SLCO4C1: variants seen among roughly 807,000 people sequenced by gnomAD.
The protein encoded by SLCO4C1 is solute carrier organic anion transporter family member 4C1, also known as organic anion transporter M1.
A neutral mutation model predicts 72.1 loss-of-function variants in SLCO4C1; 58 were observed. The observed-to-expected ratio is 0.80, with a 90% CI of 0.65 to 1.00. The LOEUF (loss-of-function observed/expected upper bound fraction) is 1.00. Among genes scored for constraint, SLCO4C1 ranks in the 50% least tolerant of loss-of-function variants. The pLI is 0.00. For synonymous variants in SLCO4C1, 297 were observed against 312.5 expected, an observed-to-expected ratio of 0.95 and a Z score of 0.52; for missense variants, 898 against 857.9, an observed-to-expected ratio of 1.05 and a Z score of -0.58.
chr5:102,295,714 G>T (rs1347896980), intron 1 of SLCO4C1, among the ~76,000 whole-genome samples, 194 bp downstream of exon 1: 1 of 152,258 alleles, frequency 6.6e-6, no homozygotes, highest in Non-Finnish European at 1.5e-5. Flanking sequence ...AGGAGAAGCT[G>T]AACTTTGGAA....
At chr5:102,247,584 C>A (rs1748658672) in intron 9 of SLCO4C1, 142 bp from the exon 10 acceptor site, 5 of 506,096 alleles carry the variant, frequency 9.9e-6, no homozygotes, top group Non-Finnish European at 1.6e-5. Context: ...AATATTTAAC[C>A]CTTAAGAAAT....
chr5:102,279,401 A>T (rs1749311695), intron 2 of SLCO4C1, among the ~76,000 whole-genome samples: 1 of 152,030 alleles, frequency 6.6e-6, no homozygotes, highest in Admixed American at 6.6e-5. Context: ...ACTATTAAAG[A>T]TAACTATTAA....
In SLCO4C1 at chr5:102,258,021, T is replaced by C. The variant is rs776637345; in HGVS notation, c.1195A>G (p.Thr399Ala). 3 of 1,608,012 alleles carry C rather than the reference T, an allele frequency of 1.9e-6. No individual in the cohort carries two copies. The highest frequency in any genetic ancestry group is 3.4e-5 in the Admixed American group (2 of 59,202). ...TTAGGTAAAAATGTAGCAAATCCAG[T>C]AGTAATTAAGGCTTCTGAAGAAGTT... ...LSTSSEALIT[T>A]GFATFLPKFI... The change falls in exon 7 of 13, where the codon ACT (threonine) becomes GCT (alanine). Residue 399 changes from threonine (T) to alanine (A), a missense_variant. Coordinates refer to ENST00000310954, the MANE Select transcript of SLCO4C1 (RefSeq NM_180991.5).
chr5:102,245,945 G>T (rs1748627785), intron 10 of SLCO4C1, among the ~76,000 whole-genome samples: 1 of 151,440 alleles, frequency 6.6e-6, no homozygotes, highest in South Asian at 2.1e-4. Context: ...ATGACTAGTG[G>T]GTCAATAAAG....
In SLCO4C1 at chr5:102,235,473, G is replaced by A. The variant is rs1312285915; in HGVS notation, c.*1385C>T. The A allele has an allele frequency of 2.0e-5, 3 of 152,150 alleles. No homozygotes were observed. The highest frequency in any genetic ancestry group is 7.2e-5 in the African/African-American group (3 of 41,430). The allele number at this position is 152,150 out of a possible 1,614,324, so 9.4% of individuals were successfully genotyped here. On this transcript the variant is annotated 3_prime_UTR_variant, in exon 13 of 13. Coordinates refer to ENST00000310954, the MANE Select transcript of SLCO4C1 (RefSeq NM_180991.5). ...TACCCTCCATATTCTCAGCAAAGTT[G>A]GCATAAATCTGACCTGAATAAACAG...
At chr5:102,261,806 T>C in intron 5 of SLCO4C1, 106 bp downstream of exon 5, 2 of 1,197,248 alleles carry the variant, frequency 1.7e-6, no homozygotes, top group East Asian at 2.7e-5. Flanking sequence ...GTTGAGATTC[T>C]ATAAAAGAAA....
At chr5:102,251,819 A>T (rs1748745253) in intron 8 of SLCO4C1, among the ~76,000 whole-genome samples, 1 of 152,170 alleles carries the variant, frequency 6.6e-6, no homozygotes, top group Non-Finnish European at 1.5e-5. Flanking sequence ...GTATGGAATG[A>T]GAAGGGTACT....
chr5:102,271,657 T>G (rs1749154855), intron 2 of SLCO4C1, among the ~76,000 whole-genome samples: 1 of 152,054 alleles, frequency 6.6e-6, no homozygotes, highest in Non-Finnish European at 1.5e-5. Flanking sequence ...TCAGTGACAT[T>G]AAGCATTTTT....
Position 102,235,764 on chromosome 5 carries a change from T to C in SLCO4C1, c.*1094A>G, listed in dbSNP as rs1263341479. The C allele has an allele frequency of 6.6e-6, 1 of 152,238 alleles. No individual in the cohort carries two copies. The highest frequency in any genetic ancestry group is 2.1e-4 in the South Asian group (1 of 4,834). The allele number at this position is 152,238 out of a possible 1,614,324, so 9.4% of individuals were successfully genotyped here. A position where few individuals can be genotyped will look rare whatever the true frequency, so the allele number is the denominator to read the frequency against. ...TGCACTCTCCTTATGAGAATCTAAC[T>C]AATGCCTGATGGTCTGAGGTGGAGC... On this transcript the variant is annotated 3_prime_UTR_variant, in exon 13 of 13. Transcript: ENST00000310954.
intron 10 of SLCO4C1, among the ~76,000 whole-genome samples, chr5:102,244,507 T>G (rs529668631): frequency 6.6e-6 from 1 of 152,100 alleles, no homozygotes; most frequent in South Asian, 2.1e-4. Flanking sequence ...TTCCCAAACC[T>G]AGAGAAAGAT....
chr5:102,277,482 T>A (rs188699756), intron 2 of SLCO4C1, among the ~76,000 whole-genome samples: 22 of 152,182 alleles, frequency 1.4e-4, no homozygotes, highest in Admixed American at 1.1e-3. Flanking sequence ...ACTTACACTG[T>A]AGTCTAGTTG....
At chr5:102,263,936 T>C (rs542669783) in intron 3 of SLCO4C1, among the ~76,000 whole-genome samples, 156 bp from the exon 4 acceptor site, 1 of 152,270 alleles carries the variant, frequency 6.6e-6, no homozygotes, top group Non-Finnish European at 1.5e-5. Flanking sequence ...TTTGAATTGA[T>C]AGTCAAGTCA....
Position 102,247,259 on chromosome 5 carries a change from T to A in SLCO4C1, c.1804A>T (p.Ile602Phe), listed in dbSNP as rs1403879658. ...TCTCAACGTGCTACATACCTTAGGATAGACACAGTTATAGGAGTACCGGCC... is the reference window on the plus strand; with the variant it reads ...TCTCAACGTGCTACATACCTTAGGAAAGACACAGTTATAGGAGTACCGGCC... ...FMAGTPITVS[I>F]LRCVNHRQRS... Residue 602 changes from isoleucine to phenylalanine, a missense_variant, in exon 10 of 13, where the codon ATC (isoleucine) becomes TTC (phenylalanine). Physicochemically the swap from Ile to Phe is conservative, Grantham distance 21. Transcript: ENST00000310954. 2.0e-6 allele frequency: 3 copies of A among 1,534,732 alleles called. No homozygotes were observed. The highest frequency in any genetic ancestry group is 2.7e-6 in the Non-Finnish European group (3 of 1,131,822).
Position 102,235,999 on chromosome 5 carries a change from A to C in SLCO4C1, c.*859T>G, listed in dbSNP as rs899983990. On this transcript the variant is annotated 3_prime_UTR_variant, in exon 13 of 13. Coordinates refer to ENST00000310954, the MANE Select transcript of SLCO4C1 (RefSeq NM_180991.5). ...TAAGTGGTTGGCTTTTCAAATAGGA[A>C]AAATTAAAGGTATATAAGTATTGAT... The C allele has an allele frequency of 6.6e-6, 1 of 152,212 alleles. No homozygotes were observed. Among genetic ancestry groups the C allele is most frequent in the Non-Finnish European group, 1.5e-5 (1 of 68,028 alleles). The allele number at this position is 152,212 out of a possible 1,614,324, so 9.4% of individuals were successfully genotyped here.
intron 3 of SLCO4C1, among the ~76,000 whole-genome samples, chr5:102,266,965 A>G (rs1749053330): frequency 2.0e-5 from 3 of 152,138 alleles, no homozygotes; most frequent in Admixed American, 1.3e-4. Flanking sequence ...TTCTTGCATC[A>G]CTGAGATCAA....
chr5:102,237,840 T>C (rs1748467918), intron 12 of SLCO4C1, among the ~76,000 whole-genome samples: 1 of 152,212 alleles, frequency 6.6e-6, no homozygotes, highest in South Asian at 2.1e-4. Context: ...TCTACTCTTC[T>C]TATCAGCTAA....
chr5:102,252,172 C>T (rs1748751798), intron 8 of SLCO4C1, among the ~76,000 whole-genome samples: 1 of 151,970 alleles, frequency 6.6e-6, no homozygotes, highest in Admixed American at 6.6e-5. Flanking sequence ...GAGAAGCAAA[C>T]CTCTGCCACC....
chr5:102,249,357 G>A lies in SLCO4C1; in HGVS notation c.1620+281C>T, dbSNP rs567174736. Among the ~76,000 whole-genome samples the A allele has an allele frequency of 2.0e-5, 3 of 152,250 alleles. No individual in the cohort carries two copies. In the South Asian group the frequency reaches 6.2e-4, roughly 32 times the overall value. On this transcript the variant is annotated intron_variant, in intron 9 of 12. Coordinates refer to ENST00000310954, the MANE Select transcript of SLCO4C1 (RefSeq NM_180991.5). ...CGGGAACCCATCCCCCATGTATTGT[G>A]AGGGATGACTATAAAACAATTTGAA...
intron 2 of SLCO4C1, among the ~76,000 whole-genome samples, chr5:102,289,971 TG>T (rs1749523325): frequency 6.6e-6 from 1 of 152,328 alleles, no homozygotes; most frequent in East Asian, 1.9e-4. Context: ...AAATTGATCT[TG>T]GGAAAGATTA....
Sources: allele counts gnomAD v4.1 joint callset (sites outside exome capture counted in the v4.1 genomes callset), GRCh38; gene constraint gnomAD v4.1.1; transcripts MANE v1.5; gene names NCBI Gene and HGNC (gene_info 2026-07-23, HGNC 2026-07-21).